Variants in LCLAT1 observed in about 807,000 individuals in gnomAD.
LCLAT1 encodes lysocardiolipin acyltransferase 1.
A neutral mutation model predicts 30.7 loss-of-function variants in LCLAT1; 11 were observed. That is an observed-to-expected ratio of 0.36 (90% confidence interval 0.23 to 0.59). LCLAT1 has a LOEUF of 0.59. Among genes scored for constraint, LCLAT1 ranks in the 20% least tolerant of loss-of-function variants. The pLI is 0.77. For synonymous variants in LCLAT1, 155 were observed against 151.3 expected, an observed-to-expected ratio of 1.02 and a Z score of -0.18; for missense variants, 402 against 458.6, an observed-to-expected ratio of 0.88 and a Z score of 1.13.
chr2:30,473,641 G>A (rs1682906446), intron 1 of LCLAT1, among the ~76,000 whole-genome samples: 1 of 152,180 alleles, frequency 6.6e-6, no homozygotes, highest in Non-Finnish European at 1.5e-5. Flanking sequence ...ATGGAGCAGA[G>A]TCTACCAAAA....
At chr2:30,460,732 C>A (rs1682076215) in intron 1 of LCLAT1, among the ~76,000 whole-genome samples, 1 of 152,144 alleles carries the variant, frequency 6.6e-6, no homozygotes, top group African/African-American at 2.4e-5. Context: ...AGGAAAGGAG[C>A]TGTCCACATC....
Position 30,640,916 on chromosome 2 carries a change from C to G in LCLAT1, c.*297C>G. On this transcript the variant is annotated 3_prime_UTR_variant, in exon 6 of 6. Coordinates refer to ENST00000379509, the MANE Select transcript of LCLAT1 (RefSeq NM_001002257.3). The stretch of plus-strand genomic sequence containing the variant: ...AGCGACAAGGAACACACACATTTTT[C>G]TTAAAGGCCCAATCCTAACAGACTC... The G allele has an allele frequency of 3.3e-6, 1 of 305,836 alleles. No individual in the cohort carries two copies. The highest frequency in any genetic ancestry group is 6.1e-6 in the Non-Finnish European group (1 of 163,150). 18.9% of individuals were successfully genotyped at this position (305,836 alleles called of 1,614,324 possible). A position where few individuals can be genotyped will look rare whatever the true frequency, so the allele number is the denominator to read the frequency against.
chr2:30,459,514 T>G, intron 1 of LCLAT1: 2 of 828,018 alleles, frequency 2.4e-6, no homozygotes, highest in East Asian at 4.8e-5. Flanking sequence ...TCCCAAACTC[T>G]GCTTTCTCTT....
intron 5 of LCLAT1, among the ~76,000 whole-genome samples, chr2:30,612,949 A>G (rs1218342367): frequency 6.6e-6 from 1 of 152,192 alleles, no homozygotes; most frequent in Admixed American, 6.5e-5. Flanking sequence ...AATTTATAGT[A>G]TGTCAGATGA....
chr2:30,631,738 C>A (rs1668780197), intron 5 of LCLAT1, among the ~76,000 whole-genome samples: 1 of 152,284 alleles, frequency 6.6e-6, no homozygotes, highest in Admixed American at 6.5e-5. Flanking sequence ...CCTTGACTTT[C>A]CACGGTTTTA....
intron 3 of LCLAT1, among the ~76,000 whole-genome samples, chr2:30,560,157 T>C (rs1558519829): frequency 1.3e-5 from 2 of 152,168 alleles, no homozygotes; most frequent in Non-Finnish European, 2.9e-5. Flanking sequence ...ACTGATATTA[T>C]AGTGACTAGT....
At chr2:30,631,253 C>T (rs947715530) in intron 5 of LCLAT1, among the ~76,000 whole-genome samples, 1 of 152,168 alleles carries the variant, frequency 6.6e-6, no homozygotes, top group African/African-American at 2.4e-5. Flanking sequence ...TTTCTTAGGG[C>T]TTTCTCTTGG....
intron 1 of LCLAT1, chr2:30,459,685 T>G: frequency 1.2e-6 from 2 of 1,614,142 alleles, no homozygotes; most frequent in Non-Finnish European, 1.7e-6. Context: ...TTCTAGCTAC[T>G]GCACGTACTT....
At chr2:30,560,358 C>A (rs1230089977) in intron 3 of LCLAT1, among the ~76,000 whole-genome samples, 1 of 151,058 alleles carries the variant, frequency 6.6e-6, no homozygotes, top group South Asian at 2.1e-4. Context: ...GAGTCTTGCT[C>A]CATTGCCCAA....
intron 1 of LCLAT1, among the ~76,000 whole-genome samples, chr2:30,503,951 C>T (rs1684525844): frequency 1.3e-5 from 2 of 152,290 alleles, no homozygotes; most frequent in Admixed American, 1.3e-4. Flanking sequence ...CTAAGATCCC[C>T]TTCTAATGGA....
chr2:30,469,403 T>A (rs1380628758), intron 1 of LCLAT1, among the ~76,000 whole-genome samples: 1 of 152,130 alleles, frequency 6.6e-6, no homozygotes, highest in Non-Finnish European at 1.5e-5. Context: ...AGATTTTGAA[T>A]GAGTTTGAGG....
chr2:30,552,668 G>C, intron 3 of LCLAT1: 1 of 291,536 alleles, frequency 3.4e-6, no homozygotes. Context: ...AGAAAAGATA[G>C]ATCTTCCTTA....
chr2:30,549,700 C>T (rs1664593870), intron 3 of LCLAT1, among the ~76,000 whole-genome samples: 1 of 152,064 alleles, frequency 6.6e-6, no homozygotes, highest in African/African-American at 2.4e-5. Context: ...TGTTCTTTGT[C>T]TTGGGGCTAA....
At chr2:30,637,399 A>G (rs567700571) in intron 5 of LCLAT1, among the ~76,000 whole-genome samples, 6 of 152,164 alleles carry the variant, frequency 3.9e-5, no homozygotes, top group East Asian at 1.9e-4. Flanking sequence ...TACTCAGTCT[A>G]TCAGCAATGG....
intron 1 of LCLAT1, among the ~76,000 whole-genome samples, chr2:30,481,830 G>A (rs1013139509): frequency 1.3e-5 from 2 of 152,128 alleles, no homozygotes; most frequent in Non-Finnish European, 2.9e-5. Flanking sequence ...CAGAGTATTC[G>A]AGGAGTCTTA....
intron 3 of LCLAT1, among the ~76,000 whole-genome samples, chr2:30,555,617 T>C (rs1028121270): frequency 6.6e-6 from 1 of 152,156 alleles, no homozygotes; most frequent in African/African-American, 2.4e-5. Flanking sequence ...AATTTAAATG[T>C]AAACTAAACT....
intron 5 of LCLAT1, among the ~76,000 whole-genome samples, chr2:30,594,752 A>G (rs375466500): frequency 1.3e-5 from 2 of 152,332 alleles, no homozygotes; most frequent in East Asian, 3.9e-4. Context: ...GTTAATTTAA[A>G]TGAAACAATG....
At chr2:30,566,118 A>C (rs1254772557) in intron 4 of LCLAT1, among the ~76,000 whole-genome samples, 1 of 152,156 alleles carries the variant, frequency 6.6e-6, no homozygotes, top group African/African-American at 2.4e-5. Context: ...GGGGATGAGT[A>C]GATGAAGTAG....
At chr2:30,628,527 T>C (rs1011325177) in intron 5 of LCLAT1, among the ~76,000 whole-genome samples, 2 of 152,224 alleles carry the variant, frequency 1.3e-5, no homozygotes, top group East Asian at 1.9e-4. Flanking sequence ...TTACCAGATA[T>C]TGAGTCACTA....
Sources: allele counts gnomAD v4.1 joint callset (sites outside exome capture counted in the v4.1 genomes callset), GRCh38; gene constraint gnomAD v4.1.1; transcripts MANE v1.5; gene names NCBI Gene and HGNC (gene_info 2026-07-23, HGNC 2026-07-21).